CUX2: variants seen among roughly 807,000 people sequenced by gnomAD.
CUX2 encodes homeobox protein cut-like 2.
Under a neutral mutation model 144.8 loss-of-function variants are expected in CUX2, and 40 were observed. That is an observed-to-expected ratio of 0.28 (90% CI 0.21 to 0.36). The LOEUF (loss-of-function observed/expected upper bound fraction) is 0.36. CUX2 is among the 10% of genes least tolerant of loss of function. CUX2 has a pLI of 1.00. For synonymous variants in CUX2, 827 were observed against 875.6 expected, an observed-to-expected ratio of 0.94 and a Z score of 0.98; for missense variants, 1,615 against 1,994.0, an observed-to-expected ratio of 0.81 and a Z score of 3.62.
chr12:111,236,537 C>T (rs974155021), intron 3 of CUX2, among the ~76,000 whole-genome samples: 1 of 152,146 alleles, frequency 6.6e-6, no homozygotes, highest in Admixed American at 6.5e-5. Context: ...TAATCATGCT[C>T]AGGTCACATG....
chr12:111,034,777 G>A lies in CUX2; in HGVS notation c.63+537G>A, dbSNP rs1869337626. 6.7e-6 allele frequency among the ~76,000 whole-genome samples: 1 copy of A among 149,504 alleles called. No homozygotes were observed. Among genetic ancestry groups the A allele is most frequent in the African/African-American group, 2.4e-5 (1 of 41,150 alleles). On this transcript the variant is annotated intron_variant, in intron 1 of 21. Coordinates refer to ENST00000261726, the MANE Select transcript of CUX2 (RefSeq NM_015267.4). The surrounding 1 kb of genome is among the most constrained non-coding windows in gnomAD (Gnocchi z 4.2). ...GGAGGGAGCCGGGGTTGGCGAGGAGGCGGCTCCGCGCCCCGCCGCTCGCCG... is the reference window on the plus strand; with the variant it reads ...GGAGGGAGCCGGGGTTGGCGAGGAGACGGCTCCGCGCCCCGCCGCTCGCCG...
Position 111,320,047 on chromosome 12 carries a change from G to A in CUX2, c.2038G>A (p.Ala680Thr), listed in dbSNP as rs200561197. The change falls in exon 17 of 22, where the codon GCC becomes ACC. Residue 680 changes from alanine (A) to threonine (T), a missense_variant. By Grantham distance (58) the Ala-to-Thr change is moderately conservative. Around this residue, in one of 12 missense-constraint regions of CUX2, gnomAD observed 390 missense variants for 387.1 expected, o/e 1.01. Coordinates refer to ENST00000261726, the MANE Select transcript of CUX2 (RefSeq NM_015267.4). This position sits in a 1 kb window ranked among gnomAD's most constrained non-coding sequence, Gnocchi z 8.1. ...GACCTCGGTGGCCCCGCTGAGCATC[G>A]CCAACGGCACGACCCCCGCCAGCAC... ...PKTSVAPLSIANGTTPASTSE... is the reference protein window; with the variant it reads ...PKTSVAPLSITNGTTPASTSE... The A allele has an allele frequency of 4.3e-5, 66 of 1,541,406 alleles. No individual in the cohort carries two copies. The Middle Eastern group carries it at 5.1e-4, about 12-fold the overall frequency.
intron 1 of CUX2, among the ~76,000 whole-genome samples, chr12:111,151,874 C>T (rs568790880): frequency 3.3e-5 from 5 of 152,188 alleles, no homozygotes; most frequent in South Asian, 2.1e-4. Context: ...TTTAGTCATT[C>T]GAGTATTTAC....
At chr12:111,042,404 G>A (rs1186204159) in intron 1 of CUX2, among the ~76,000 whole-genome samples, 1 of 152,076 alleles carries the variant, frequency 6.6e-6, no homozygotes, top group Non-Finnish European at 1.5e-5. Context: ...CTATGGGTGC[G>A]GGTGTCCCAG....
chr12:111,072,696 G>A (rs1871300040), intron 1 of CUX2, among the ~76,000 whole-genome samples: 1 of 152,210 alleles, frequency 6.6e-6, no homozygotes, highest in Admixed American at 6.5e-5. Flanking sequence ...TAAAATACCT[G>A]ATTACTGGCT....
intron 18 of CUX2, among the ~76,000 whole-genome samples, chr12:111,328,168 T>C (rs567037731): frequency 6.6e-6 from 1 of 152,204 alleles, no homozygotes; most frequent in East Asian, 1.9e-4. Flanking sequence ...CCTCTGCTTG[T>C]TCATAACCCA....
chr12:111,167,340 A>G (rs1878210946), intron 1 of CUX2, among the ~76,000 whole-genome samples: 1 of 151,882 alleles, frequency 6.6e-6, no homozygotes, highest in Non-Finnish European at 1.5e-5. Context: ...ACCTCTTGTG[A>G]TATGACCCCT....
rs1319859348 is a variant in CUX2 at position 111,037,778 on chromosome 12, TCTA to T, written c.63+3541_63+3543del. ...ATGATTTTCTTTTTCTGCTTAACTT[TCTA>T]CTTTTTTTTTTTACCATGCTCTGGG... On this transcript the variant is annotated intron_variant, in intron 1 of 21. Coordinates refer to ENST00000261726, the MANE Select transcript of CUX2 (RefSeq NM_015267.4). This position sits in a 1 kb window ranked among gnomAD's most constrained non-coding sequence, Gnocchi z 5.4. Among the ~76,000 whole-genome samples, 1 of 152,202 alleles carries T rather than the reference TCTA, an allele frequency of 6.6e-6. No individual in the cohort carries two copies. Among genetic ancestry groups the T allele is most frequent in the African/African-American group, 2.4e-5 (1 of 41,446 alleles).
chr12:111,070,708 G>A (rs1000811188), intron 1 of CUX2, among the ~76,000 whole-genome samples: 1 of 152,044 alleles, frequency 6.6e-6, no homozygotes, highest in Non-Finnish European at 1.5e-5. Flanking sequence ...TGCCATCATA[G>A]TATCATACCT....
At position 111,320,602 on chromosome 12, in the gene CUX2, C is replaced by A; in HGVS notation, c.2593C>A (p.Leu865Met). The change falls in exon 17 of 22, where the codon CTG becomes ATG. Residue 865 changes from leucine (L) to methionine (M), a missense_variant. Transcript: ENST00000261726. The surrounding 1 kb of genome is among the most constrained non-coding windows in gnomAD (Gnocchi z 8.1). ...CGCGACGGCCGAGGCGGGCGCGCGG[C>A]TGCCCTACTACCCGGCCTACGTGCC... ...EGATAEAGAR[L>M]PYYPAYVPRT... 2 of 1,550,546 alleles carry A rather than the reference C, an allele frequency of 1.3e-6. No individual in the cohort carries two copies. The highest frequency in any genetic ancestry group is 8.6e-7 in the Non-Finnish European group (1 of 1,157,568).
chr12:111,324,245 G>C (rs938209127), intron 18 of CUX2, among the ~76,000 whole-genome samples: 1 of 151,396 alleles, frequency 6.6e-6, no homozygotes, highest in Non-Finnish European at 1.5e-5. Flanking sequence ...AGCTGCTTAG[G>C]AGACTGAAGC....
At chr12:111,292,717 G>C (rs1885757585) in intron 5 of CUX2, among the ~76,000 whole-genome samples, 1 of 152,222 alleles carries the variant, frequency 6.6e-6, no homozygotes. Context: ...AAGGAGATTG[G>C]TCGTTGCCTA....
chr12:111,183,694 A>T (rs1395341400), intron 1 of CUX2, among the ~76,000 whole-genome samples: 1 of 152,170 alleles, frequency 6.6e-6, no homozygotes, highest in East Asian at 1.9e-4. Flanking sequence ...ATGACAGTGC[A>T]TCCCTGTCCA....
chr12:111,339,505 C>T (rs1025719312), intron 20 of CUX2: 2 of 152,144 alleles, frequency 1.3e-5, no homozygotes, highest in Non-Finnish European at 2.9e-5. Flanking sequence ...GACATTATAT[C>T]CTGATAAGAT....
At chr12:111,196,625 T>C (rs1291771250) in intron 1 of CUX2, among the ~76,000 whole-genome samples, 1 of 152,138 alleles carries the variant, frequency 6.6e-6, no homozygotes, top group Non-Finnish European at 1.5e-5. Flanking sequence ...CCTCAGGTGT[T>C]CTAAAACAGC....
At chr12:111,056,370 G>A (rs770571882) in intron 1 of CUX2, among the ~76,000 whole-genome samples, 1 of 152,230 alleles carries the variant, frequency 6.6e-6, no homozygotes, top group Non-Finnish European at 1.5e-5. Context: ...CTCCATGATA[G>A]CTGTGGCTTC....
chr12:111,230,394 C>CA (rs1882407694), intron 3 of CUX2, among the ~76,000 whole-genome samples: 1 of 152,192 alleles, frequency 6.6e-6, no homozygotes, highest in Non-Finnish European at 1.5e-5. Context: ...GCAGCATCCA[C>CA]ATCACCTGGA....
intron 20 of CUX2, among the ~76,000 whole-genome samples, chr12:111,339,115 G>A (rs1446375648): frequency 2.6e-5 from 4 of 151,164 alleles, no homozygotes; most frequent in African/African-American, 9.7e-5. Context: ...ACCTGTAATC[G>A]CAGCTACTTG....
At chr12:111,245,732 G>A (rs2136267329) in intron 3 of CUX2, among the ~76,000 whole-genome samples, 1 of 152,288 alleles carries the variant, frequency 6.6e-6, no homozygotes, top group African/African-American at 2.4e-5. Flanking sequence ...AGGGGACAGG[G>A]TAGGGACAGA....
Sources: allele counts gnomAD v4.1 joint callset (sites outside exome capture counted in the v4.1 genomes callset), GRCh38; gene constraint gnomAD v4.1.1; regional missense constraint gnomAD v4.1.1; non-coding constraint Gnocchi (gnomAD v3.1); transcripts MANE v1.5; gene names NCBI Gene and HGNC (gene_info 2026-07-23, HGNC 2026-07-21).